NKAIN2: variants seen among roughly 807,000 people sequenced by gnomAD.
NKAIN2 encodes the protein sodium/potassium-transporting ATPase subunit beta-1-interacting protein 2.
In NKAIN2, 14 loss-of-function variants were observed where a neutral mutation model predicts 32.6. That is an observed-to-expected ratio of 0.43 (90% CI 0.28 to 0.67). The LOEUF is 0.67. Among genes scored for constraint, NKAIN2 ranks in the 30% least tolerant of loss-of-function variants. NKAIN2 has a pLI of 0.17. For synonymous variants in NKAIN2, 80 were observed against 87.2 expected (o/e 0.92, Z 0.46); for missense variants, 198 against 258.3 (o/e 0.77, Z 1.60).
At chr6:123,860,497 A>G (rs1775745131) in intron 1 of NKAIN2, among the ~76,000 whole-genome samples, 1 of 151,978 alleles carries the variant, frequency 6.6e-6, no homozygotes. Flanking sequence ...TGCAGTCTCA[A>G]CCTCCTGGGC....
chr6:123,961,152 T>C (rs545862621), intron 1 of NKAIN2, among the ~76,000 whole-genome samples: 50 of 151,766 alleles, frequency 3.3e-4, no homozygotes, highest in Non-Finnish European at 6.3e-4. Context: ...TTGGCAACCA[T>C]AAATCTGGAA....
intron 3 of NKAIN2, among the ~76,000 whole-genome samples, chr6:124,595,363 G>C (rs553652900): frequency 6.6e-6 from 1 of 152,196 alleles, no homozygotes; most frequent in South Asian, 2.1e-4. Context: ...CCCTTATCTG[G>C]CCATTTTCAC....
In NKAIN2 at chr6:123,803,955, G is replaced by T. The variant is rs141463451; in HGVS notation, c.-246G>T. Among the ~76,000 whole-genome samples, 2 of 150,844 alleles carry T rather than the reference G, an allele frequency of 1.3e-5. No homozygotes were observed. On this transcript the variant is annotated 5_prime_UTR_variant, in exon 1 of 7. Transcript: ENST00000368417. ...CTCCGCAGGCGGCACTGCCCGCGGC[G>T]CGGCGTGTGCACCGAGCGAGTGAAG... is the stretch of plus-strand genomic sequence containing the variant.
intron 3 of NKAIN2, among the ~76,000 whole-genome samples, chr6:124,605,055 C>A (rs1019470546): frequency 6.6e-6 from 1 of 152,026 alleles, no homozygotes; most frequent in Non-Finnish European, 1.5e-5. Context: ...CATAAAGAAA[C>A]CCTTTCATGA....
rs537644638 is a variant in NKAIN2, at chr6:124,239,999, C to CAGACT, written c.55-43004_55-43000dup. ...TTGAAAAAATAGATAGACCACTAGC[C>CAGACT]AGACTAATAAAGAAGAAAAGAAAGA... is the stretch of plus-strand genomic sequence containing the variant. On this transcript the variant is annotated intron_variant, in intron 1 of 6. Coordinates refer to ENST00000368417, the MANE Select transcript of NKAIN2 (RefSeq NM_001040214.3). Among the ~76,000 whole-genome samples, 169 of 151,846 alleles carry CAGACT rather than the reference C, an allele frequency of 1.1e-3. 4 individuals carry two copies. In the East Asian group the frequency reaches 0.027, roughly 24 times the overall value.
At chr6:124,118,605 T>C (rs1479172807) in intron 1 of NKAIN2, among the ~76,000 whole-genome samples, 4 of 152,148 alleles carry the variant, frequency 2.6e-5, no homozygotes, top group African/African-American at 9.7e-5. Context: ...TAGGCATTCT[T>C]CTTATTGTCT....
chr6:124,377,657 G>A (rs1038843070), intron 3 of NKAIN2, among the ~76,000 whole-genome samples: 1 of 152,134 alleles, frequency 6.6e-6, no homozygotes, highest in African/African-American at 2.4e-5. Context: ...GAGGCTGGAG[G>A]ATTAGGCAGG....
chr6:124,294,855 T>C (rs1205148880), intron 2 of NKAIN2, among the ~76,000 whole-genome samples: 1 of 152,174 alleles, frequency 6.6e-6, no homozygotes, highest in Non-Finnish European at 1.5e-5. Flanking sequence ...TCTGTTTGAC[T>C]AGACCTGTCA....
intron 2 of NKAIN2, among the ~76,000 whole-genome samples, chr6:124,342,586 C>A (rs1798179669): frequency 6.6e-6 from 1 of 151,808 alleles, no homozygotes; most frequent in African/African-American, 2.4e-5. Flanking sequence ...TGGCTCACTG[C>A]AACCTCCAAC....
chr6:124,701,074 A>G (rs1028440466), intron 4 of NKAIN2, among the ~76,000 whole-genome samples: 1 of 151,230 alleles, frequency 6.6e-6, no homozygotes, highest in East Asian at 1.9e-4. Flanking sequence ...TTATTTATTC[A>G]TACACTGTGA....
At chr6:124,309,377 T>A (rs1023705673) in intron 2 of NKAIN2, among the ~76,000 whole-genome samples, 2 of 152,116 alleles carry the variant, frequency 1.3e-5, no homozygotes, top group African/African-American at 4.8e-5. Flanking sequence ...GGGGGATAAT[T>A]TATTAACTTG....
chr6:124,228,961 G>A (rs938755712), intron 1 of NKAIN2, among the ~76,000 whole-genome samples: 6 of 152,090 alleles, frequency 3.9e-5, no homozygotes, highest in African/African-American at 1.4e-4. Flanking sequence ...AGAGATGCTA[G>A]TAAGTACCAC....
chr6:124,731,330 G>A (rs1216305156), intron 4 of NKAIN2, among the ~76,000 whole-genome samples: 1 of 151,634 alleles, frequency 6.6e-6, no homozygotes, highest in South Asian at 2.1e-4. Context: ...AACAATGATA[G>A]ACTGGATTAA....
intron 3 of NKAIN2, among the ~76,000 whole-genome samples, chr6:124,381,537 C>A (rs2114374496): frequency 6.6e-6 from 1 of 152,138 alleles, no homozygotes; most frequent in East Asian, 1.9e-4. Context: ...GTGTTACAGC[C>A]CTTAACTATA....
intron 1 of NKAIN2, among the ~76,000 whole-genome samples, chr6:124,144,970 A>C (rs1181711914): frequency 6.6e-6 from 1 of 152,216 alleles, no homozygotes; most frequent in East Asian, 1.9e-4. Context: ...GGCAAAAGAC[A>C]TGGTCAGACA....
At chr6:124,271,176 G>T (rs1582962541) in intron 1 of NKAIN2, among the ~76,000 whole-genome samples, 1 of 152,192 alleles carries the variant, frequency 6.6e-6, no homozygotes, top group South Asian at 2.1e-4. Context: ...TAAGTTTCCT[G>T]GGGCCTCACT....
chr6:123,916,980 T>C (rs1775533704), intron 1 of NKAIN2, among the ~76,000 whole-genome samples: 1 of 152,160 alleles, frequency 6.6e-6, no homozygotes, highest in South Asian at 2.1e-4. Flanking sequence ...TCAGTCCTCT[T>C]CAAAACATTT....
chr6:124,416,861 A>C (rs1348976563), intron 3 of NKAIN2, among the ~76,000 whole-genome samples: 1 of 152,030 alleles, frequency 6.6e-6, no homozygotes, highest in South Asian at 2.1e-4. Context: ...CATCAGTTAT[A>C]AGGAACCCTC....
chr6:124,330,866 A>G (rs902487780), intron 2 of NKAIN2, among the ~76,000 whole-genome samples: 1 of 152,176 alleles, frequency 6.6e-6, no homozygotes, highest in Admixed American at 6.5e-5. Flanking sequence ...CAGGAGCGCC[A>G]ACCCTATTGT....
Sources: allele counts gnomAD v4.1 joint callset (sites outside exome capture counted in the v4.1 genomes callset), GRCh38; gene constraint gnomAD v4.1.1; transcripts MANE v1.5; gene names NCBI Gene and HGNC (gene_info 2026-07-23, HGNC 2026-07-21).